RBFOX1: variants seen among roughly 807,000 people sequenced by gnomAD.
RBFOX1 encodes RNA binding fox-1 homolog 1, also known as RNA binding protein fox-1 homolog 1.
In RBFOX1, 8 loss-of-function variants were observed where a neutral mutation model predicts 57.7. The ratio of observed to expected loss-of-function variants is 0.14; its 90% CI spans 0.08 to 0.25. RBFOX1 has a LOEUF of 0.25. Among genes scored for constraint, RBFOX1 ranks in the 10% least tolerant of loss-of-function variants. RBFOX1 has a pLI of 1.00. For missense variants in RBFOX1, 611 were observed against 548.5 expected, an observed-to-expected ratio of 1.11 and a Z score of -1.14; for synonymous variants, 326 against 222.4, an observed-to-expected ratio of 1.47 and a Z score of -4.15.
chr16:7,514,113 A>C lies in RBFOX1; in HGVS notation c.28-4034A>C, dbSNP rs72773063. Among the ~76,000 whole-genome samples, 1,471 of 152,096 alleles carry C rather than the reference A, an allele frequency of 9.7e-3. 13 individuals are homozygous for C. The highest frequency in any genetic ancestry group is 0.017 in the Non-Finnish European group (1,127 of 67,978). On this transcript the variant is annotated intron_variant, in intron 4 of 15. Coordinates refer to ENST00000550418, the MANE Select transcript of RBFOX1 (RefSeq NM_018723.4). ...CAGCTATTAGAAAACATTTTCCACAAAGGACCAGATGATAGATCATTCAGT... is the reference window on the plus strand; with the variant it reads ...CAGCTATTAGAAAACATTTTCCACACAGGACCAGATGATAGATCATTCAGT...
chr16:5,959,676 A>G (rs1239468759), intron 4 of RBFOX1, among the ~76,000 whole-genome samples: 1 of 152,254 alleles, frequency 6.6e-6, no homozygotes, highest in Admixed American at 6.5e-5. Context: ...ACCAGAAAAC[A>G]GAAAGATGCT....
At chr16:5,896,786 T>C (rs1392412978) in intron 4 of RBFOX1, among the ~76,000 whole-genome samples, 2 of 152,048 alleles carry the variant, frequency 1.3e-5, no homozygotes, top group African/African-American at 4.8e-5. Context: ...GCCAACACTT[T>C]AGTATGTGGC....
rs1415364324 is a variant in RBFOX1, at chr16:6,483,034, G to A, written c.-64+165977G>A. On this transcript the variant is annotated intron_variant, in intron 2 of 15. Transcript: ENST00000550418. ...GGAAGGGACACGTGCGGGCGAGAGA[G>A]GGCGAGCGGCGAGATACCGCAGCCA... The A allele has an allele frequency of 2.9e-5, 19 of 662,724 alleles. No individual in the cohort carries two copies. In the East Asian group the frequency reaches 1.8e-3, roughly 61 times the overall value. 41.1% of individuals were successfully genotyped at this position (662,724 alleles called of 1,614,324 possible).
At chr16:5,675,722 A>G (rs972248683) in intron 3 of RBFOX1, among the ~76,000 whole-genome samples, 3 of 152,176 alleles carry the variant, frequency 2.0e-5, no homozygotes, top group African/African-American at 7.2e-5. Context: ...GGAGGGATAG[A>G]TGATTAATAG....
intron 3 of RBFOX1, among the ~76,000 whole-genome samples, chr16:6,748,247 C>G (rs1288904205): frequency 2.0e-5 from 3 of 152,136 alleles, no homozygotes; most frequent in Non-Finnish European, 4.4e-5. Flanking sequence ...AGTATACAGA[C>G]CCAGCCTTCT....
At chr16:5,823,035 A>C (rs900250233) in intron 3 of RBFOX1, among the ~76,000 whole-genome samples, 5 of 152,178 alleles carry the variant, frequency 3.3e-5, no homozygotes, top group African/African-American at 1.2e-4. Context: ...CTTATTCATC[A>C]GTTTAAAATT....
At chr16:5,499,435 A>T (rs1039557478) in intron 2 of RBFOX1, among the ~76,000 whole-genome samples, 1 of 152,120 alleles carries the variant, frequency 6.6e-6, no homozygotes, top group Admixed American at 6.6e-5. Flanking sequence ...TGTAAACATC[A>T]ACTCTTCACC....
chr16:7,568,753 G>T (rs1049704914), intron 5 of RBFOX1, among the ~76,000 whole-genome samples: 2 of 152,018 alleles, frequency 1.3e-5, no homozygotes, highest in African/African-American at 2.4e-5. Context: ...CGGGCATGGT[G>T]GCGGGCACTT....
At chr16:5,652,571 C>G (rs1435145487) in intron 3 of RBFOX1, among the ~76,000 whole-genome samples, 1 of 152,188 alleles carries the variant, frequency 6.6e-6, no homozygotes, top group East Asian at 1.9e-4. Context: ...CCATACCATC[C>G]AGACCTCCAC....
Position 7,708,952 on chromosome 16 carries a change from T to C in RBFOX1, c.996-104T>C, listed in dbSNP as rs531362520. 9.9e-6 allele frequency: 10 copies of C among 1,014,360 alleles called. No individual in the cohort carries two copies. In the South Asian group the frequency reaches 1.1e-4, roughly 11 times the overall value. 62.8% of individuals were successfully genotyped at this position (1,014,360 alleles called of 1,614,324 possible). On this transcript the variant is annotated intron_variant, in intron 14 of 15. Coordinates refer to ENST00000550418, the MANE Select transcript of RBFOX1 (RefSeq NM_018723.4). ...GTAGAATTTGCTTCTCACTGGAAGA[T>C]GAGTAGGGCCCCTGCATACTGTCTT... is the stretch of plus-strand genomic sequence containing the variant.
At chr16:7,494,350 C>A (rs887530749) in intron 4 of RBFOX1, among the ~76,000 whole-genome samples, 3 of 152,088 alleles carry the variant, frequency 2.0e-5, no homozygotes, top group Non-Finnish European at 4.4e-5. Flanking sequence ...CTACCATTGG[C>A]GGCTAGTGTG....
chr16:6,883,971 G>C (rs141888237), intron 3 of RBFOX1, among the ~76,000 whole-genome samples: 1 of 152,280 alleles, frequency 6.6e-6, no homozygotes, highest in Non-Finnish European at 1.5e-5. Context: ...GCGCAGAGGA[G>C]ATGGGGAGAT....
intron 4 of RBFOX1, among the ~76,000 whole-genome samples, chr16:7,177,370 A>G (rs564699327): frequency 1.3e-5 from 2 of 152,324 alleles, no homozygotes; most frequent in South Asian, 2.1e-4. Context: ...ACACAGAGGA[A>G]TGATAAATGC....
chr16:6,070,016 C>G (rs1438890285), intron 1 of RBFOX1, among the ~76,000 whole-genome samples: 6 of 152,114 alleles, frequency 3.9e-5, no homozygotes, highest in Non-Finnish European at 7.4e-5. Context: ...CAAAACCAAA[C>G]AAAAAGTAAC....
At chr16:7,101,719 G>C (rs1389202712) in intron 4 of RBFOX1, among the ~76,000 whole-genome samples, 1 of 152,130 alleles carries the variant, frequency 6.6e-6, no homozygotes, top group Non-Finnish European at 1.5e-5. Context: ...AAATGTATTT[G>C]CTTGCCGCAG....
At chr16:6,788,186 C>T (rs2154244778) in intron 3 of RBFOX1, among the ~76,000 whole-genome samples, 1 of 152,228 alleles carries the variant, frequency 6.6e-6, no homozygotes, top group East Asian at 1.9e-4. Flanking sequence ...CGTGCCAGTG[C>T]ACTCCAGCCT....
chr16:7,070,257 A>G (rs1404038295), intron 4 of RBFOX1, among the ~76,000 whole-genome samples: 1 of 152,182 alleles, frequency 6.6e-6, no homozygotes, highest in African/African-American at 2.4e-5. Flanking sequence ...TTGCTGCCAC[A>G]TTCCACTCAT....
intron 4 of RBFOX1, among the ~76,000 whole-genome samples, chr16:7,110,149 A>G (rs566273199): frequency 6.7e-6 from 1 of 150,170 alleles, no homozygotes. Flanking sequence ...CAGGAGTGTG[A>G]GACCAGCCTG....
intron 3 of RBFOX1, among the ~76,000 whole-genome samples, chr16:6,733,573 C>G (rs997229358): frequency 4.3e-4 from 65 of 152,042 alleles, no homozygotes; most frequent in Admixed American, 2.5e-3. Context: ...ATGGTTGTAG[C>G]CTGCAGTAGT....
Sources: gnomAD v4.1 joint callset for allele counts (sites outside exome capture counted in the v4.1 genomes callset) on GRCh38, gnomAD v4.1.1 for gene constraint, MANE v1.5 for transcripts, NCBI Gene and HGNC (gene_info 2026-07-23, HGNC 2026-07-21) for gene names.